The following SOX6 variants were observed in gnomAD, a reference collection of about 807,000 sequenced individuals.
The protein encoded by SOX6 is SRY-box transcription factor 6.
Under a neutral mutation model 97.8 loss-of-function variants are expected in SOX6, and 11 were observed. The ratio of observed to expected loss-of-function variants is 0.11; its 90% confidence interval spans 0.07 to 0.19. SOX6 has a LOEUF of 0.19. SOX6 is among the 10% of genes least tolerant of loss of function. The pLI is 1.00. For missense variants in SOX6, 810 were observed against 1,039.5 expected (o/e 0.78, Z 3.04); for synonymous variants, 360 against 371.4 (o/e 0.97, Z 0.35).
intron 12 of SOX6, among the ~76,000 whole-genome samples, chr11:16,019,091 C>T (rs2133867886): frequency 6.6e-6 from 1 of 152,168 alleles, no homozygotes; most frequent in Admixed American, 6.6e-5. Flanking sequence ...CTGATTGCAG[C>T]CATCTCCTGA....
intron 1 of SOX6, among the ~76,000 whole-genome samples, chr11:16,341,508 G>A (rs896968986): frequency 1.3e-5 from 2 of 151,928 alleles, no homozygotes; most frequent in African/African-American, 4.8e-5. Context: ...TTTTTACAGA[G>A]TAAGTTTTCA....
intron 4 of SOX6, among the ~76,000 whole-genome samples, chr11:16,191,417 C>A (rs113439639): frequency 4.6e-5 from 7 of 152,000 alleles, no homozygotes; most frequent in Non-Finnish European, 7.4e-5. Flanking sequence ...GCCATGATTG[C>A]GCCACTGCAC....
At chr11:16,682,961 C>T (rs1043671775) in intron 3 of SOX6, among the ~76,000 whole-genome samples, 1 of 152,086 alleles carries the variant, frequency 6.6e-6, no homozygotes, top group African/African-American at 2.4e-5. Flanking sequence ...GAGAGCCAAA[C>T]CATGAGTGAA....
intron 6 of SOX6, among the ~76,000 whole-genome samples, chr11:16,132,407 AAG>A (rs1849811398): frequency 3.9e-5 from 3 of 76,410 alleles, no homozygotes; most frequent in African/African-American, 1.0e-4. Flanking sequence ...AGAAAAAAGA[AAG>A]AAAGAAAGAA....
chr11:16,109,901 A>G (rs1460457064), intron 7 of SOX6, among the ~76,000 whole-genome samples: 1 of 152,148 alleles, frequency 6.6e-6, no homozygotes, highest in Non-Finnish European at 1.5e-5. Context: ...CAGTTTGGCC[A>G]ACATAATCAA....
At chr11:16,515,134 A>G (rs1416436422) in intron 4 of SOX6, among the ~76,000 whole-genome samples, 1 of 149,750 alleles carries the variant, frequency 6.7e-6, no homozygotes, top group Non-Finnish European at 1.5e-5. Flanking sequence ...TGACTTCCAC[A>G]ATGGTTGAAC....
intron 4 of SOX6, among the ~76,000 whole-genome samples, chr11:16,543,596 T>A (rs907081732): frequency 4.6e-5 from 7 of 152,042 alleles, no homozygotes; most frequent in Non-Finnish European, 8.8e-5. Context: ...TACAACTCAA[T>A]AATGAAAAGA....
intron 4 of SOX6, among the ~76,000 whole-genome samples, chr11:16,220,176 A>G (rs1852496087): frequency 6.6e-6 from 1 of 152,076 alleles, no homozygotes; most frequent in African/African-American, 2.4e-5. Flanking sequence ...AAAAATATCC[A>G]TATTAACTGT....
intron 2 of SOX6, among the ~76,000 whole-genome samples, chr11:16,722,258 T>C (rs1848272865): frequency 6.6e-6 from 1 of 152,222 alleles, no homozygotes; most frequent in Non-Finnish European, 1.5e-5. Context: ...GAGAAAGTAT[T>C]TGCAAACTAT....
At chr11:16,182,282 C>T (rs1374867101) in intron 6 of SOX6, among the ~76,000 whole-genome samples, 1 of 151,724 alleles carries the variant, frequency 6.6e-6, no homozygotes, top group East Asian at 1.9e-4. Context: ...GTAGTAAAAA[C>T]AATAATTAAC....
chr11:16,540,270 GC>G (rs977804025), intron 4 of SOX6, among the ~76,000 whole-genome samples: 85 of 152,160 alleles, frequency 5.6e-4, no homozygotes, highest in African/African-American at 2.0e-3. Flanking sequence ...AAATTCAACA[GC>G]CCTTCATGCT....
chr11:15,985,649 A>T (rs1418698715), intron 15 of SOX6, among the ~76,000 whole-genome samples: 1 of 152,230 alleles, frequency 6.6e-6, no homozygotes, highest in Non-Finnish European at 1.5e-5. Flanking sequence ...TATCAAAAGC[A>T]TGTCTAGTTT....
chr11:16,210,113 TG>T (rs1248175673), intron 4 of SOX6, among the ~76,000 whole-genome samples: 1 of 152,154 alleles, frequency 6.6e-6, no homozygotes, highest in African/African-American at 2.4e-5. Context: ...AGTTACTAGA[TG>T]ACCCAGCAAT....
At chr11:16,417,849 A>T (rs1372831156) in intron 1 of SOX6, among the ~76,000 whole-genome samples, 2 of 152,322 alleles carry the variant, frequency 1.3e-5, no homozygotes, top group African/African-American at 4.8e-5. Flanking sequence ...CTCTTTGTTT[A>T]TATAATTTTA....
intron 4 of SOX6, among the ~76,000 whole-genome samples, chr11:16,583,549 CT>C (rs1160659675): frequency 7.8e-5 from 11 of 141,216 alleles, no homozygotes; most frequent in Admixed American, 1.5e-4. Flanking sequence ...GGATTTCATT[CT>C]TTTTTATGGA....
At chr11:16,344,936 T>A (rs1253206814) in intron 1 of SOX6, among the ~76,000 whole-genome samples, 1 of 151,928 alleles carries the variant, frequency 6.6e-6, no homozygotes, top group Non-Finnish European at 1.5e-5. Context: ...ATACACAAAA[T>A]CAAGTTCTAT....
At chr11:16,429,860 C>A (rs10466381) in intron 1 of SOX6, among the ~76,000 whole-genome samples, 1 of 152,156 alleles carries the variant, frequency 6.6e-6, no homozygotes, top group Non-Finnish European at 1.5e-5. Context: ...TCCACCTTCA[C>A]TGAACTACCC....
At chr11:16,729,357 C>G (rs1259292205) in intron 2 of SOX6, among the ~76,000 whole-genome samples, 1 of 152,116 alleles carries the variant, frequency 6.6e-6, no homozygotes, top group Non-Finnish European at 1.5e-5. Context: ...CAAAGGGAAG[C>G]CCATAAGACT....
chr11:16,156,962 T>C (rs1850619668), intron 6 of SOX6, among the ~76,000 whole-genome samples: 4 of 152,038 alleles, frequency 2.6e-5, no homozygotes, highest in Admixed American at 2.0e-4. Context: ...CCAAACTTTG[T>C]CCATTTTGTT....
Sources: allele counts gnomAD v4.1 joint callset (sites outside exome capture counted in the v4.1 genomes callset), GRCh38; gene constraint gnomAD v4.1.1; transcripts MANE v1.5; gene names NCBI Gene and HGNC (gene_info 2026-07-23, HGNC 2026-07-21).